SV2C: variants seen among roughly 807,000 people sequenced by gnomAD.
SV2C encodes synaptic vesicle glycoprotein 2C, also known as solute carrier family 22 member B3.
Under a neutral mutation model 79.7 loss-of-function variants are expected in SV2C, and 49 were observed. The ratio of observed to expected loss-of-function variants is 0.61; its 90% CI spans 0.49 to 0.78. The LOEUF (loss-of-function observed/expected upper bound fraction) is 0.78, where lower values mean the gene tolerates loss of function less well. Among genes scored for constraint, SV2C ranks in the 30% least tolerant of loss-of-function variants. SV2C has a pLI of 0.00. For missense variants in SV2C, 833 were observed against 912.9 expected, an observed-to-expected ratio of 0.91 and a Z score of 1.13; for synonymous variants, 334 against 333.2, an observed-to-expected ratio of 1.00 and a Z score of -0.03.
the SV2C span, among the ~76,000 whole-genome samples, chr5:75,948,015 G>A: frequency 9.0e-3 from 1,370 of 152,090 alleles, 11 homozygotes; most frequent in African/African-American, 0.03. Context: ...ATATTTTGTA[G>A]TAGCACAATC....
chr5:76,334,048 G>A (rs915022778), downstream of SV2C: 1 of 152,008 alleles, frequency 6.6e-6, no homozygotes, highest in African/African-American at 2.4e-5. Flanking sequence ...GAGAAAACCT[G>A]TTTCTCCAAT....
At chr5:76,145,725 C>T (rs1440666746) in intron 2 of SV2C, among the ~76,000 whole-genome samples, 2 of 152,192 alleles carry the variant, frequency 1.3e-5, no homozygotes, top group African/African-American at 2.4e-5. Context: ...GGTCCTTTTA[C>T]CCTTTCCTAA....
At chr5:75,953,878 C>G in the SV2C span, among the ~76,000 whole-genome samples, 1 of 151,956 alleles carries the variant, frequency 6.6e-6, no homozygotes, top group Non-Finnish European at 1.5e-5. Context: ...TCCTACTCCC[C>G]ACTCCTATAC....
At chr5:76,010,362 G>A in the SV2C span, among the ~76,000 whole-genome samples, 12 of 152,190 alleles carry the variant, frequency 7.9e-5, no homozygotes, top group South Asian at 2.5e-3. Flanking sequence ...ATTATGTATG[G>A]TATTGCTTGC....
the SV2C span, among the ~76,000 whole-genome samples, chr5:76,001,265 GAA>G: frequency 6.6e-6 from 1 of 152,096 alleles, no homozygotes; most frequent in Non-Finnish European, 1.5e-5. Context: ...AGGGCTAGAA[GAA>G]AATAATTTTG....
At chr5:76,094,156 C>G (rs1433615198) in intron 1 of SV2C, among the ~76,000 whole-genome samples, 1 of 152,112 alleles carries the variant, frequency 6.6e-6, no homozygotes, top group Non-Finnish European at 1.5e-5. Flanking sequence ...TGTGAGTCTC[C>G]TGAGAAATGA....
chr5:76,223,576 C>T (rs976898136), intron 4 of SV2C, among the ~76,000 whole-genome samples: 2 of 147,934 alleles, frequency 1.4e-5, no homozygotes, highest in Non-Finnish European at 3.0e-5. Context: ...TTGATAAATC[C>T]TGATTTGATA....
chr5:76,112,886 C>A (rs554747678), intron 1 of SV2C, among the ~76,000 whole-genome samples: 1 of 152,048 alleles, frequency 6.6e-6, no homozygotes, highest in South Asian at 2.1e-4. Context: ...TAGTGGATAA[C>A]AATGTCAGGG....
chr5:75,888,555 G>A, the SV2C span, among the ~76,000 whole-genome samples: 4 of 151,708 alleles, frequency 2.6e-5, no homozygotes, highest in Non-Finnish European at 2.9e-5. Flanking sequence ...TTTTCCTTTC[G>A]CTGCCACATG....
chr5:76,316,487 C>A (rs1260232916), intron 12 of SV2C, among the ~76,000 whole-genome samples: 1 of 152,122 alleles, frequency 6.6e-6, no homozygotes, highest in Non-Finnish European at 1.5e-5. Context: ...TCTGATGCAC[C>A]CAAGCTTAAG....
the SV2C span, among the ~76,000 whole-genome samples, chr5:75,964,933 A>G: frequency 1.8e-4 from 27 of 152,224 alleles, no homozygotes; most frequent in Non-Finnish European, 3.1e-4. Context: ...GATAACTGGA[A>G]GAGAATTTAA....
At chr5:76,136,729 A>T (rs1323478057) in intron 2 of SV2C, among the ~76,000 whole-genome samples, 1 of 152,218 alleles carries the variant, frequency 6.6e-6, no homozygotes, top group East Asian at 1.9e-4. Flanking sequence ...AAAATAAAAA[A>T]TATAAACAGG....
chr5:75,971,597 A>G, the SV2C span, among the ~76,000 whole-genome samples: 1 of 152,112 alleles, frequency 6.6e-6, no homozygotes, highest in Non-Finnish European at 1.5e-5. Flanking sequence ...AGAATAACAT[A>G]CCTAGGAATC....
At position 76,329,904 on chromosome 5, in the gene SV2C, C is replaced by T. The variant is rs995856109; in HGVS notation, c.*4357C>T. 2.0e-5 allele frequency: 3 copies of T among 150,630 alleles called. No individual in the cohort carries two copies. The highest frequency in any genetic ancestry group is 7.3e-5 in the African/African-American group (3 of 41,138). 9.3% of individuals were successfully genotyped at this position (150,630 alleles called of 1,614,324 possible). A position where few individuals can be genotyped will look rare whatever the true frequency, so the allele number is the denominator to read the frequency against. Reference sequence around the variant, plus strand: ...TGTATGTTAGGTTTTCTTTAATCCTCACATCGTGCCAAACTTAGTCTGGTT... The same window carrying T: ...TGTATGTTAGGTTTTCTTTAATCCTTACATCGTGCCAAACTTAGTCTGGTT... On this transcript the variant is annotated 3_prime_UTR_variant, in exon 13 of 13. Transcript: ENST00000502798.
chr5:75,919,883 C>T, the SV2C span, among the ~76,000 whole-genome samples: 4 of 152,144 alleles, frequency 2.6e-5, no homozygotes, highest in Non-Finnish European at 4.4e-5. Context: ...GTATTTCAAA[C>T]CCCCAATTCC....
At chr5:76,197,395 G>A (rs1744299368) in intron 3 of SV2C, among the ~76,000 whole-genome samples, 1 of 152,134 alleles carries the variant, frequency 6.6e-6, no homozygotes, top group Non-Finnish European at 1.5e-5. Context: ...GCCCATGCAA[G>A]AAACAGAAAG....
chr5:75,955,897 C>A, the SV2C span, among the ~76,000 whole-genome samples: 1 of 152,246 alleles, frequency 6.6e-6, no homozygotes, highest in South Asian at 2.1e-4. Context: ...CAGGAAACAA[C>A]AGGTGTTGGA....
chr5:75,988,818 CT>C, the SV2C span, among the ~76,000 whole-genome samples: 2 of 151,920 alleles, frequency 1.3e-5, no homozygotes, highest in Non-Finnish European at 2.9e-5. Flanking sequence ...TATCCTCCCC[CT>C]TTTCACTCTA....
chr5:75,978,126 A>G, the SV2C span, among the ~76,000 whole-genome samples: 4 of 151,848 alleles, frequency 2.6e-5, no homozygotes, highest in African/African-American at 9.7e-5. Flanking sequence ...GTCACCAATG[A>G]CCCCCATATT....
Sources: allele counts gnomAD v4.1 joint callset (sites outside exome capture counted in the v4.1 genomes callset), GRCh38; gene constraint gnomAD v4.1.1; transcripts MANE v1.5; gene names NCBI Gene and HGNC (gene_info 2026-07-23, HGNC 2026-07-21).